The following PALM3 variants were observed in gnomAD, a reference collection of about 807,000 sequenced individuals.
PALM3 encodes paralemmin 3, also known as paralemmin-3.
Under a neutral mutation model 27.9 loss-of-function variants are expected in PALM3, and 20 were observed. That is an observed-to-expected ratio of 0.72 (90% confidence interval 0.50 to 1.04). PALM3 has a LOEUF of 1.04. PALM3 is among the 50% of genes least tolerant of loss of function. The pLI, the probability that PALM3 is intolerant of heterozygous loss-of-function variation, is 0.00. For missense variants in PALM3, 814 were observed against 869.4 expected (o/e 0.94, Z 0.80); for synonymous variants, 328 against 352.7 (o/e 0.93, Z 0.79).
chr19:14,053,820 C>T lies in PALM3; in HGVS notation c.1852G>A (p.Gly618Arg), dbSNP rs773114463. The change falls in exon 7 of 7, where the codon GGG becomes AGG. Residue 618 changes from glycine (G) to arginine (R), a missense_variant. Transcript: ENST00000669674. Reference sequence around the variant, plus strand: ...TCTGCCAGAAGAGGTGTGGCATCCCCCAAGGGGCCTTGGCCCTCAGCAGCG... The same window carrying T: ...TCTGCCAGAAGAGGTGTGGCATCCCTCAAGGGGCCTTGGCCCTCAGCAGCG... ...QTAAEGQGPLGDATPLLAETP... is the reference protein window; with the variant it reads ...QTAAEGQGPLRDATPLLAETP... 1.9e-6 allele frequency: 3 copies of T among 1,549,512 alleles called. No individual in the cohort carries two copies. Among genetic ancestry groups the T allele is most frequent in the African/African-American group, 1.4e-5 (1 of 73,010 alleles).
In PALM3 at chr19:14,054,006, C is replaced by T; in HGVS notation, c.1666G>A (p.Glu556Lys). Residue 556 changes from glutamate to lysine, a missense_variant, in exon 7 of 7, where the codon GAA (glutamate) becomes AAA (lysine). Glu to Lys is a moderately conservative substitution (Grantham distance 56). Transcript: ENST00000669674. ...TQGTEGDLNLEQGSREGSESQ... is the reference protein window; with the variant it reads ...TQGTEGDLNLKQGSREGSESQ... ...TCACTTCCTTCCCTAGACCCTTGTT[C>T]TAGATTCAGATCTCCCTCCGTCCCT... The T allele has an allele frequency of 6.4e-7, 1 of 1,551,764 alleles. No individual in the cohort carries two copies.
chr19:14,055,253 A>AGGACAAAAGGGAAGACAGGGTTAAGACG, intron 6 of PALM3, 27 bp from the exon 7 acceptor site: 1 of 1,510,640 alleles, frequency 6.6e-7, no homozygotes, highest in African/African-American at 1.4e-5. Flanking sequence ...TGGAGGGGAG[A>AGGACAAAAGGGAAGACAGGGTTAAGACG]GGACAAAAGG....
At chr19:14,057,834 G>C (rs1409169016) in intron 2 of PALM3, among the ~76,000 whole-genome samples, 1 of 152,102 alleles carries the variant, frequency 6.6e-6, no homozygotes, top group Non-Finnish European at 1.5e-5. Context: ...GCGGCCGTAC[G>C]CGGTGGCTCA....
At chr19:14,057,545 C>G in intron 2 of PALM3, 114 bp from the exon 3 acceptor site, 1 of 849,998 alleles carries the variant, frequency 1.2e-6, no homozygotes, top group Non-Finnish European at 1.7e-6. Context: ...CCGGGGCTCC[C>G]GAGGCAGCGA....
chr19:14,056,495 T>C lies in PALM3; in HGVS notation c.333A>G (p.Gln111=), dbSNP rs760850642. Reference sequence around the variant, plus strand: ...CACCTGTGGAAGCACTTTGCAACAGTTGCAGCTGGGACTGGAGTCTGAAGA... The same window carrying C: ...CACCTGTGGAAGCACTTTGCAACAGCTGCAGCTGGGACTGGAGTCTGAAGA... ...DSLFTLQSQL[Q]LLQSASTGAQ... The change falls in exon 5 of 7, where the codon CAA becomes CAG. Residue 111 remains glutamine (Q), a synonymous_variant. Transcript: ENST00000669674. 43 of 1,551,460 alleles carry C rather than the reference T, an allele frequency of 2.8e-5. No homozygotes were observed. Among genetic ancestry groups the C allele is most frequent in the Non-Finnish European group, 3.4e-5 (39 of 1,146,946 alleles).
intron 2 of PALM3, 135 bp downstream of exon 2, chr19:14,058,980 G>T: frequency 4.2e-6 from 3 of 720,634 alleles, no homozygotes; most frequent in Non-Finnish European, 6.3e-6. Context: ...GGGCAGAGGG[G>T]GCTGGAGAAT....
chr19:14,055,287 A>G, intron 6 of PALM3, 61 bp from the exon 7 acceptor site: 3 of 1,528,618 alleles, frequency 2.0e-6, no homozygotes, highest in Non-Finnish European at 1.8e-6. Flanking sequence ...AGATGGAACA[A>G]AAGGACTGCC....
chr19:14,059,699 G>A (rs1976384752), intron 1 of PALM3, among the ~76,000 whole-genome samples: 1 of 151,962 alleles, frequency 6.6e-6, no homozygotes, highest in South Asian at 2.1e-4. Flanking sequence ...CTGGACCTCA[G>A]CTCCTACCCA....
intron 2 of PALM3, 38 bp from the exon 3 acceptor site, chr19:14,057,469 C>A (rs1479597921): frequency 1.3e-6 from 2 of 1,487,510 alleles, no homozygotes; most frequent in Non-Finnish European, 1.8e-6. Context: ...GCCGGCCGGG[C>A]GCGGCCTCCA....
chr19:14,056,343 G>A lies in PALM3; in HGVS notation c.399+86C>T. Reference sequence around the variant, plus strand: ...AGACCTAGTGGCCAGGCTGCCCTTGGAGAAAGCTGCATTCCTGATTCCATG... The same window carrying A: ...AGACCTAGTGGCCAGGCTGCCCTTGAAGAAAGCTGCATTCCTGATTCCATG... On this transcript the variant is annotated intron_variant, in intron 5 of 6. Transcript: ENST00000669674. The A allele has an allele frequency of 8.1e-6, 11 of 1,352,734 alleles. 1 individual carries two copies. In the South Asian group the frequency reaches 8.8e-5, roughly 11 times the overall value. 83.8% of individuals were successfully genotyped at this position (1,352,734 alleles called of 1,614,324 possible).
intron 5 of PALM3, 123 bp from the exon 6 acceptor site, chr19:14,055,548 C>A: frequency 1.1e-6 from 1 of 905,970 alleles, no homozygotes; most frequent in South Asian, 1.6e-5. Flanking sequence ...CCTTCAGGAT[C>A]AAACTCCACA....
intron 3 of PALM3, 92 bp from the exon 4 acceptor site, chr19:14,056,896 TTA>T: frequency 7.6e-7 from 1 of 1,319,196 alleles, no homozygotes; most frequent in South Asian, 1.5e-5. Context: ...GGCAGGTATC[TTA>T]TCACCACCTC....
rs756185087 is a variant in PALM3, at chr19:14,054,055, T to C, written c.1617A>G (p.Glu539=). ...TLEAEKRGGE[E]SLETEKTQGT... Reference sequence around the variant, plus strand: ...CTTGGGTCTTCTCTGTCTCCAATGATTCCTCACCTCCCCTTTTCTCTGCCT... The same window carrying C: ...CTTGGGTCTTCTCTGTCTCCAATGACTCCTCACCTCCCCTTTTCTCTGCCT... Residue 539 remains glutamate (E), a synonymous_variant, in exon 7 of 7, where the codon GAA becomes GAG. Transcript: ENST00000669674. The C allele has an allele frequency of 1.9e-6, 3 of 1,551,678 alleles. No individual in the cohort carries two copies. The highest frequency in any genetic ancestry group is 2.7e-5 in the African/African-American group (2 of 73,096).
intron 2 of PALM3, 88 bp from the exon 3 acceptor site, chr19:14,057,519 G>A: frequency 8.7e-7 from 1 of 1,151,872 alleles, no homozygotes; most frequent in Non-Finnish European, 1.2e-6. Context: ...CTCCTCCGCG[G>A]GGCTCACCGG....
intron 1 of PALM3, among the ~76,000 whole-genome samples, chr19:14,060,435 A>G (rs1315376611): frequency 1.3e-5 from 2 of 152,048 alleles, no homozygotes; most frequent in Non-Finnish European, 2.9e-5. Flanking sequence ...CTGAGTTGAC[A>G]TTCCAGCTAA....
chr19:14,056,444 G>A lies in PALM3; in HGVS notation c.384C>T (p.Pro128=). ...CCCCCCTCACCTGTCTGCGCCAGCT[G>A]GGCCTGCCTGAGGGCTTGTGCTGGG... ...TGAQHKPSGR[P]SWRRQGHRPL... is the part of the protein sequence containing the mutation. Residue 128 remains proline, a synonymous_variant, in exon 5 of 7, where the codon CCC becomes CCT. Coordinates refer to ENST00000669674, the MANE Select transcript of PALM3 (RefSeq NM_001145028.2). 6.4e-7 allele frequency: 1 copy of A among 1,551,454 alleles called. No individual in the cohort carries two copies. Among genetic ancestry groups the A allele is most frequent in the East Asian group, 2.4e-5 (1 of 40,920 alleles).
Position 14,056,770 on chromosome 19 carries a change from C to T in PALM3, c.206G>A (p.Gly69Glu), listed in dbSNP as rs760812504. 14 of 1,551,054 alleles carry T rather than the reference C, an allele frequency of 9.0e-6. No individual in the cohort carries two copies. In the South Asian group the frequency reaches 1.7e-4, roughly 18 times the overall value. ...GGATGGCTCTGGCACTGCAGCTGCC[C>T]CATCCATTAGCCAACGTTCCCGGAG... ...KSLRERWLMD[G>E]AAAVPEPSED... The change falls in exon 4 of 7, where the codon GGG (glycine) becomes GAG (glutamate). Residue 69 changes from glycine to glutamate, a missense_variant. Physicochemically the swap from Gly to Glu is moderately conservative, Grantham distance 98. Transcript: ENST00000669674.
chr19:14,056,600 C>G (rs1009794341), intron 4 of PALM3, 62 bp downstream of exon 4: 7 of 1,551,456 alleles, frequency 4.5e-6, no homozygotes, highest in Non-Finnish European at 6.1e-6. Flanking sequence ...GGAATGTGCC[C>G]AGGGTCTCGA....
At chr19:14,060,122 T>C (rs989288045) in intron 1 of PALM3, among the ~76,000 whole-genome samples, 3 of 151,948 alleles carry the variant, frequency 2.0e-5, no homozygotes, top group African/African-American at 7.3e-5. Context: ...GAAAGCGATG[T>C]CTCTCTGCCT....
Sources: allele counts gnomAD v4.1 joint callset (sites outside exome capture counted in the v4.1 genomes callset), GRCh38; gene constraint gnomAD v4.1.1; transcripts MANE v1.5; gene names NCBI Gene and HGNC (gene_info 2026-07-23, HGNC 2026-07-21).